MADD: variants seen among roughly 807,000 people sequenced by gnomAD.
MADD encodes MAP kinase-activating death domain protein.
MADD carries 109 observed loss-of-function variants against 176.7 expected under a neutral mutation model. The ratio of observed to expected loss-of-function variants is 0.62; its 90% CI spans 0.53 to 0.72. MADD has a LOEUF of 0.72. Among genes scored for constraint, MADD ranks in the 30% least tolerant of loss-of-function variants. The pLI, the probability that MADD is intolerant of heterozygous loss-of-function variation, is 0.00. For synonymous variants in MADD, 771 were observed against 771.3 expected, an observed-to-expected ratio of 1.00 and a Z score of 0.01; for missense variants, 1,914 against 2,045.5, an observed-to-expected ratio of 0.94 and a Z score of 1.24.
chr11:47,323,027 C>T (rs1209649027), intron 27 of MADD, among the ~76,000 whole-genome samples: 1 of 152,146 alleles, frequency 6.6e-6, no homozygotes, highest in Non-Finnish European at 1.5e-5. Context: ...CACTTGAGGT[C>T]AGGAGTTCGA....
intron 22 of MADD, among the ~76,000 whole-genome samples, chr11:47,307,212 C>T (rs764995929): frequency 2.0e-5 from 3 of 151,958 alleles, no homozygotes; most frequent in Non-Finnish European, 2.9e-5. Context: ...TCATGCCTGG[C>T]CAAAGTGAGC....
intron 15 of MADD, 48 bp from the exon 17 acceptor site, chr11:47,289,343 C>T (rs760192963): frequency 6.9e-7 from 1 of 1,459,420 alleles, no homozygotes; most frequent in Non-Finnish European, 9.6e-7. Flanking sequence ...GGCATGAGCT[C>T]CTGTACTACA....
intron 22 of MADD, among the ~76,000 whole-genome samples, chr11:47,301,626 G>A (rs2077870505): frequency 1.3e-5 from 2 of 152,014 alleles, no homozygotes; most frequent in South Asian, 4.1e-4. Flanking sequence ...GGTATGCTGT[G>A]TTTTTATGTT....
intron 1 of MADD, chr11:47,271,166 A>T (rs1045922140): frequency 6.6e-6 from 1 of 152,256 alleles, no homozygotes. Flanking sequence ...GAAGATAGGA[A>T]CCAGAGGCTC....
chr11:47,304,206 T>G (rs1361743343), intron 22 of MADD, among the ~76,000 whole-genome samples: 2 of 151,912 alleles, frequency 1.3e-5, no homozygotes, highest in Non-Finnish European at 2.9e-5. Flanking sequence ...TCAAGTCTGC[T>G]GTTGTAGTTC....
chr11:47,290,566 T>A, intron 18 of MADD, 44 bp from the exon 20 acceptor site: 1 of 1,577,442 alleles, frequency 6.3e-7, no homozygotes, highest in Non-Finnish European at 8.7e-7. Flanking sequence ...GCGCCTTGAT[T>A]CCTACTCACT....
chr11:47,329,450 G>T, exon 33 of MADD: 1 of 384,438 alleles, frequency 2.6e-6, no homozygotes. Context: ...CATTTGTGTT[G>T]TGGTTCCTTG....
chr11:47,284,372 C>G lies in MADD; in HGVS notation c.1967-3C>G. Reference sequence around the variant, plus strand: ...TGTACCTGCCTCCCTTGGATTTTGGCAGATGTGGACCCTCTGACACATGCA... The same window carrying G: ...TGTACCTGCCTCCCTTGGATTTTGGGAGATGTGGACCCTCTGACACATGCA... On this transcript the variant is annotated splice_polypyrimidine_tract_variant and splice_region_variant and intron_variant, in intron 11 of 32. Coordinates refer to ENST00000402192, the Ensembl canonical transcript of MADD. 1 of 1,614,138 alleles carries G rather than the reference C, an allele frequency of 6.2e-7. No homozygotes were observed. Among genetic ancestry groups the G allele is most frequent in the Non-Finnish European group, 8.5e-7 (1 of 1,180,006 alleles).
intron 31 of MADD, chr11:47,328,066 A>G (rs1345319920): frequency 1.6e-5 from 16 of 993,546 alleles, no homozygotes; most frequent in Non-Finnish European, 1.8e-5. Flanking sequence ...TCTCCCTCAC[A>G]CAGGCAGGTC....
intron 25 of MADD, among the ~76,000 whole-genome samples, chr11:47,310,786 A>G (rs184196545): frequency 6.6e-6 from 1 of 151,954 alleles, no homozygotes; most frequent in East Asian, 2.0e-4. Flanking sequence ...TCATGCCTCT[A>G]ATCCCAGCTA....
intron 19 of MADD, among the ~76,000 whole-genome samples, chr11:47,292,306 T>G (rs2066004930): frequency 6.6e-6 from 1 of 152,116 alleles, no homozygotes; most frequent in South Asian, 2.1e-4. Context: ...TCTGCAGGGT[T>G]TTTACTGCCA....
At chr11:47,309,750 G>C (rs1008217266) in intron 25 of MADD, 138 bp downstream of exon 28, 2 of 638,474 alleles carry the variant, frequency 3.1e-6, no homozygotes, top group East Asian at 5.4e-5. Flanking sequence ...AAAGTCTGAG[G>C]CCTCTCTGCC....
At chr11:47,301,773 G>A (rs928223351) in intron 22 of MADD, among the ~76,000 whole-genome samples, 5 of 152,114 alleles carry the variant, frequency 3.3e-5, no homozygotes, top group Non-Finnish European at 7.4e-5. Context: ...AATTTTCAGA[G>A]CACAGTGTTC....
rs375121175 is a variant in MADD at position 47,285,918 on chromosome 11, A to G, written c.2551+328A>G. On this transcript the variant is annotated intron_variant, in intron 14 of 32. Coordinates refer to ENST00000402192, the Ensembl canonical transcript of MADD. Reference sequence around the variant, plus strand: ...CTCTGGTCAAATTTGATTTGAGTCCATATCTGGTATCTTCTTTGCCTCATA... The same window carrying G: ...CTCTGGTCAAATTTGATTTGAGTCCGTATCTGGTATCTTCTTTGCCTCATA... 1.2e-4 allele frequency among the ~76,000 whole-genome samples: 18 copies of G among 152,372 alleles called. No individual in the cohort carries two copies. In the South Asian group the frequency reaches 2.1e-3, roughly 18 times the overall value.
intron 15 of MADD, among the ~76,000 whole-genome samples, 161 bp from the exon 17 acceptor site, chr11:47,289,230 A>G (rs960796032): frequency 6.6e-6 from 1 of 151,948 alleles, no homozygotes; most frequent in Admixed American, 6.6e-5. Context: ...CACCTCCTCC[A>G]CATTGCCATG....
chr11:47,283,808 A>G (rs1452816709), intron 10 of MADD, among the ~76,000 whole-genome samples: 1 of 151,242 alleles, frequency 6.6e-6, no homozygotes, highest in Non-Finnish European at 1.5e-5. Context: ...CATGCCTTCA[A>G]GCAATTCGCC....
At chr11:47,324,402 C>T (rs1324335118) in intron 29 of MADD, 65 bp downstream of exon 32, 1 of 1,604,346 alleles carries the variant, frequency 6.2e-7, no homozygotes, top group African/African-American at 1.3e-5. Context: ...TGTCAGGGGC[C>T]TGGCAGGGAA....
intron 31 of MADD, chr11:47,328,190 A>T: frequency 9.5e-7 from 1 of 1,051,892 alleles, no homozygotes; most frequent in South Asian, 3.4e-5. Flanking sequence ...AATAACGGGA[A>T]CTGTGTTTAA....
intron 22 of MADD, among the ~76,000 whole-genome samples, chr11:47,307,742 C>T (rs1031426113): frequency 6.6e-6 from 1 of 151,886 alleles, no homozygotes; most frequent in Non-Finnish European, 1.5e-5. Context: ...AATCTTGGCT[C>T]ACTGCAACCT....
Sources: allele counts gnomAD v4.1 joint callset (sites outside exome capture counted in the v4.1 genomes callset), GRCh38; gene constraint gnomAD v4.1.1; transcripts MANE v1.5; gene names NCBI Gene and HGNC (gene_info 2026-07-23, HGNC 2026-07-21).